ENTREP2: variants seen among roughly 807,000 people sequenced by gnomAD.
ENTREP2 encodes endosomal transmembrane epsin interactor 2, also known as protein ENTREP2.
At chr15:29,390,946 G>T in the ENTREP2 span, among the ~76,000 whole-genome samples, 1 of 152,148 alleles carries the variant, frequency 6.6e-6, no homozygotes, top group African/African-American at 2.4e-5. Context: ...TGTGTGGAAA[G>T]AATTGTTGCA....
At chr15:29,657,023 G>C in the ENTREP2 span, among the ~76,000 whole-genome samples, 1 of 152,132 alleles carries the variant, frequency 6.6e-6, no homozygotes, top group Non-Finnish European at 1.5e-5. Context: ...CTTCAAGAAC[G>C]AAGCCGGGCC....
At chr15:29,436,283 C>T in the ENTREP2 span, among the ~76,000 whole-genome samples, 2 of 152,170 alleles carry the variant, frequency 1.3e-5, no homozygotes, top group Non-Finnish European at 2.9e-5. Flanking sequence ...TCCATTAGGT[C>T]TCGTCTACCT....
the ENTREP2 span, chr15:29,269,732 A>C: frequency 2.6e-5 from 39 of 1,471,990 alleles, no homozygotes; most frequent in Non-Finnish European, 3.4e-5. Context: ...GCCGGCGCAC[A>C]CTCCGGTAGG....
chr15:29,271,525 C>T, the ENTREP2 span, among the ~76,000 whole-genome samples: 50 of 152,306 alleles, frequency 3.3e-4, no homozygotes, highest in Non-Finnish European at 7.4e-4. Flanking sequence ...GGCCTAAACC[C>T]AGTAGTTAAA....
the ENTREP2 span, among the ~76,000 whole-genome samples, chr15:29,314,783 G>A: frequency 6.6e-6 from 1 of 152,150 alleles, no homozygotes; most frequent in Non-Finnish European, 1.5e-5. Flanking sequence ...CAGGTGCAGT[G>A]GCTAATGTCT....
chr15:29,631,867 C>G, the ENTREP2 span, among the ~76,000 whole-genome samples: 43 of 152,180 alleles, frequency 2.8e-4, no homozygotes, highest in Admixed American at 1.3e-3. Flanking sequence ...GTCCACACCC[C>G]CTCCCTGGCC....
At chr15:29,619,080 G>A in the ENTREP2 span, among the ~76,000 whole-genome samples, 1 of 152,188 alleles carries the variant, frequency 6.6e-6, no homozygotes, top group African/African-American at 2.4e-5. Flanking sequence ...CTCTTTGTGT[G>A]TCAGGCATGT....
chr15:29,191,983 A>C, the ENTREP2 span, among the ~76,000 whole-genome samples: 1 of 152,186 alleles, frequency 6.6e-6, no homozygotes, highest in Non-Finnish European at 1.5e-5. Flanking sequence ...TGTTCATTGT[A>C]GTGACCCAGG....
the ENTREP2 span, among the ~76,000 whole-genome samples, chr15:29,566,257 C>T: frequency 1.3e-5 from 2 of 151,298 alleles, no homozygotes; most frequent in African/African-American, 4.9e-5. Context: ...CTCCTGGGTT[C>T]ACGCCATTCT....
At chr15:29,341,616 A>G in the ENTREP2 span, among the ~76,000 whole-genome samples, 2 of 152,180 alleles carry the variant, frequency 1.3e-5, no homozygotes, top group African/African-American at 4.8e-5. Flanking sequence ...CTGCCCCTTG[A>G]AAGTCAGAGT....
chr15:29,485,181 G>T, the ENTREP2 span, among the ~76,000 whole-genome samples: 1 of 152,140 alleles, frequency 6.6e-6, no homozygotes, highest in African/African-American at 2.4e-5. Context: ...ACAGTAAATG[G>T]TTCGCAGCAA....
chr15:29,626,811 G>A, the ENTREP2 span, among the ~76,000 whole-genome samples: 1 of 152,030 alleles, frequency 6.6e-6, no homozygotes, highest in Non-Finnish European at 1.5e-5. Flanking sequence ...TCTTACTCAA[G>A]TTTAGGAGGT....
the ENTREP2 span, among the ~76,000 whole-genome samples, chr15:29,329,310 C>T: frequency 6.6e-6 from 1 of 151,524 alleles, no homozygotes; most frequent in South Asian, 2.1e-4. Flanking sequence ...TTGCAGTGAG[C>T]TGCGATCGCA....
the ENTREP2 span, among the ~76,000 whole-genome samples, chr15:29,155,287 AAG>A: frequency 2.6e-5 from 3 of 117,012 alleles, no homozygotes; most frequent in African/African-American, 1.2e-4. Context: ...ATCTCATAAA[AAG>A]AAAAAAAAAA....
At chr15:29,206,697 GA>G in the ENTREP2 span, among the ~76,000 whole-genome samples, 1 of 152,070 alleles carries the variant, frequency 6.6e-6, no homozygotes, top group Non-Finnish European at 1.5e-5. Context: ...TTGAGGTGAT[GA>G]AAATGCTCTA....
At chr15:29,316,830 T>G in the ENTREP2 span, among the ~76,000 whole-genome samples, 2 of 152,210 alleles carry the variant, frequency 1.3e-5, no homozygotes, top group South Asian at 4.1e-4. Context: ...CCTGAATTCC[T>G]TCCTTTTAAA....
At chr15:29,585,046 A>G in the ENTREP2 span, among the ~76,000 whole-genome samples, 5 of 152,086 alleles carry the variant, frequency 3.3e-5, no homozygotes. Context: ...GGATAGAATG[A>G]TTTAGTTGTT....
the ENTREP2 span, among the ~76,000 whole-genome samples, chr15:29,143,025 G>A: frequency 8.5e-5 from 13 of 152,288 alleles, no homozygotes; most frequent in African/African-American, 3.1e-4. Context: ...TAGGCAGAAC[G>A]CTTTGCTTCT....
the ENTREP2 span, among the ~76,000 whole-genome samples, chr15:29,601,081 T>C: frequency 6.6e-6 from 1 of 151,102 alleles, no homozygotes; most frequent in Non-Finnish European, 1.5e-5. Context: ...GTATTTTCAG[T>C]AGAGACGGGG....
Sources: gnomAD v4.1 joint callset for allele counts (sites outside exome capture counted in the v4.1 genomes callset) on GRCh38, gnomAD v4.1.1 for gene constraint, MANE v1.5 for transcripts, NCBI Gene and HGNC (gene_info 2026-07-23, HGNC 2026-07-21) for gene names.